The following RBFOX1 variants were observed in gnomAD, a reference collection of about 807,000 sequenced individuals.
RBFOX1 encodes the protein RNA binding fox-1 homolog 1, also known as RNA binding protein fox-1 homolog 1.
A neutral mutation model predicts 57.7 loss-of-function variants in RBFOX1; 8 were observed. The observed-to-expected ratio is 0.14, with a 90% CI of 0.08 to 0.25. The LOEUF (loss-of-function observed/expected upper bound fraction) is 0.25. RBFOX1 is among the 10% of genes least tolerant of loss of function. The probability of loss-of-function intolerance (pLI) is 1.00; values close to 1 mark genes in which losing one functional copy is unlikely to be tolerated. For missense variants in RBFOX1, 611 were observed against 548.5 expected (o/e 1.11, Z -1.14); for synonymous variants, 326 against 222.4 (o/e 1.47, Z -4.15).
chr16:5,366,764 CTT>C (rs1180052146), intron 1 of RBFOX1: 1 of 296,202 alleles, frequency 3.4e-6, no homozygotes, highest in African/African-American at 2.2e-5. Flanking sequence ...TCTGGCTGTC[CTT>C]TTTGTAATGC....
intron 3 of RBFOX1, among the ~76,000 whole-genome samples, chr16:5,667,628 A>C (rs1283171669): frequency 6.6e-6 from 1 of 152,116 alleles, no homozygotes; most frequent in East Asian, 1.9e-4. Context: ...GGGTTGAACA[A>C]ACTCTCTTTG....
chr16:5,326,406 G>A (rs750781967), intron 1 of RBFOX1, among the ~76,000 whole-genome samples: 2 of 152,162 alleles, frequency 1.3e-5, no homozygotes, highest in Non-Finnish European at 2.9e-5. Flanking sequence ...ACTATTTTGA[G>A]CCCCATCCAT....
chr16:5,985,879 T>TA (rs1230944218), intron 4 of RBFOX1, among the ~76,000 whole-genome samples: 1 of 152,116 alleles, frequency 6.6e-6, no homozygotes, highest in Non-Finnish European at 1.5e-5. Context: ...CCATCACACT[T>TA]ACGTTTGAGA....
intron 1 of RBFOX1, among the ~76,000 whole-genome samples, chr16:5,287,550 G>C (rs1044722135): frequency 6.6e-6 from 1 of 152,140 alleles, no homozygotes; most frequent in African/African-American, 2.4e-5. Flanking sequence ...AATCTCAGTG[G>C]CTTAATACAA....
intron 3 of RBFOX1, among the ~76,000 whole-genome samples, chr16:5,849,149 G>T (rs2056828707): frequency 6.6e-6 from 1 of 151,980 alleles, no homozygotes; most frequent in Non-Finnish European, 1.5e-5. Context: ...CAGAGATAAG[G>T]TTGCATTGAA....
intron 4 of RBFOX1, among the ~76,000 whole-genome samples, chr16:5,997,884 C>A (rs1243102710): frequency 6.6e-6 from 1 of 152,006 alleles, no homozygotes; most frequent in Admixed American, 6.6e-5. Flanking sequence ...CAATCATTTG[C>A]TGATTTTCAA....
chr16:5,874,543 G>C (rs1402778475), intron 4 of RBFOX1, among the ~76,000 whole-genome samples: 1 of 152,178 alleles, frequency 6.6e-6, no homozygotes, highest in African/African-American at 2.4e-5. Context: ...AAAAGATGGA[G>C]AGTAAATGTG....
chr16:6,167,972 C>T (rs1178780240), intron 1 of RBFOX1, among the ~76,000 whole-genome samples: 2 of 152,162 alleles, frequency 1.3e-5, no homozygotes, highest in Admixed American at 1.3e-4. Flanking sequence ...TGGCAAAATC[C>T]AATTATAAAC....
At chr16:5,960,544 C>G (rs1427983049) in intron 4 of RBFOX1, among the ~76,000 whole-genome samples, 2 of 152,270 alleles carry the variant, frequency 1.3e-5, no homozygotes, top group African/African-American at 2.4e-5. Flanking sequence ...TGCCATTAAA[C>G]CATGCACATT....
intron 3 of RBFOX1, among the ~76,000 whole-genome samples, chr16:6,727,512 G>C (rs2067520029): frequency 1.3e-5 from 2 of 152,028 alleles, no homozygotes; most frequent in East Asian, 3.9e-4. Context: ...ATTGTACACT[G>C]ATTTATTAGC....
At chr16:7,425,193 T>G (rs1568827309) in intron 4 of RBFOX1, among the ~76,000 whole-genome samples, 1 of 152,238 alleles carries the variant, frequency 6.6e-6, no homozygotes. Flanking sequence ...ATTTTTGCTG[T>G]AGAATGCTAG....
At chr16:7,147,189 G>C (rs1232900858) in intron 4 of RBFOX1, among the ~76,000 whole-genome samples, 1 of 149,212 alleles carries the variant, frequency 6.7e-6, no homozygotes, top group Non-Finnish European at 1.5e-5. Flanking sequence ...AGTTTTAGCA[G>C]AGACAGGGTT....
rs549395959 is a variant in RBFOX1 at position 6,518,290 on chromosome 16, C to T, written c.-63-136313C>T. Among the ~76,000 whole-genome samples the T allele has an allele frequency of 7.2e-5, 11 of 152,152 alleles. 1 individual carries two copies. The South Asian group carries it at 2.3e-3, about 32-fold the overall frequency. ...TTAGTTAAGAAAAGTTTTCATCTCA[C>T]TTGAGGAGGGGAAAAAATTATTGCA... On this transcript the variant is annotated intron_variant, in intron 2 of 15. Transcript: ENST00000550418.
At chr16:7,589,016 G>A (rs999215206) in intron 7 of RBFOX1, among the ~76,000 whole-genome samples, 1 of 152,136 alleles carries the variant, frequency 6.6e-6, no homozygotes, top group African/African-American at 2.4e-5. Flanking sequence ...TTTTACAATC[G>A]TTCTCGAACT....
At chr16:5,658,799 G>T (rs763283196) in intron 3 of RBFOX1, among the ~76,000 whole-genome samples, 1 of 135,148 alleles carries the variant, frequency 7.4e-6, no homozygotes, top group South Asian at 2.1e-4. Context: ...TATAATATAT[G>T]TGTATATATG....
At chr16:5,783,929 C>G (rs994017660) in intron 3 of RBFOX1, among the ~76,000 whole-genome samples, 1 of 152,186 alleles carries the variant, frequency 6.6e-6, no homozygotes, top group Admixed American at 6.5e-5. Flanking sequence ...GAAATCCTAG[C>G]CCCCAAGGTT....
intron 4 of RBFOX1, among the ~76,000 whole-genome samples, chr16:7,511,057 A>T (rs576033648): frequency 6.6e-6 from 1 of 152,328 alleles, no homozygotes; most frequent in Non-Finnish European, 1.5e-5. Context: ...GTGAGTGTGC[A>T]CACACACATA....
chr16:7,084,242 G>A (rs1201664374), intron 4 of RBFOX1, among the ~76,000 whole-genome samples: 1 of 151,978 alleles, frequency 6.6e-6, no homozygotes, highest in Non-Finnish European at 1.5e-5. Flanking sequence ...GACTATATAT[G>A]TATATATGTG....
At chr16:7,055,645 A>G (rs924064829) in intron 4 of RBFOX1, among the ~76,000 whole-genome samples, 1 of 152,188 alleles carries the variant, frequency 6.6e-6, no homozygotes, top group Non-Finnish European at 1.5e-5. Context: ...CAATCTCTAC[A>G]TCAATCACTG....
Sources: allele counts gnomAD v4.1 joint callset (sites outside exome capture counted in the v4.1 genomes callset), GRCh38; gene constraint gnomAD v4.1.1; transcripts MANE v1.5; gene names NCBI Gene and HGNC (gene_info 2026-07-23, HGNC 2026-07-21).